Variants in ABCC4 observed in about 807,000 individuals in gnomAD.
The protein encoded by ABCC4 is ATP-binding cassette sub-family C member 4.
ABCC4 carries 102 observed loss-of-function variants against 168.5 expected under a neutral mutation model. The ratio of observed to expected loss-of-function variants is 0.61; its 90% CI spans 0.52 to 0.71. The LOEUF (loss-of-function observed/expected upper bound fraction) is 0.71, where lower values mean the gene tolerates loss of function less well. Among genes scored for constraint, ABCC4 ranks in the 30% least tolerant of loss-of-function variants. The pLI is 0.00. For missense variants in ABCC4, 1,402 were observed against 1,605.8 expected (o/e 0.87, Z 2.17); for synonymous variants, 617 against 590.7 (o/e 1.04, Z -0.65).
chr13:95,029,203 TATATATATATAGAGAGAGAG>T (rs2031718341), intron 30 of ABCC4, among the ~76,000 whole-genome samples: 2 of 57,746 alleles, frequency 3.5e-5, no homozygotes, highest in African/African-American at 1.3e-4. Flanking sequence ...TATATATATA[TATATATATATAGAGAGAGAG>T]AGAGAGAGAG....
At chr13:95,106,168 G>T (rs1317149301) in intron 20 of ABCC4, among the ~76,000 whole-genome samples, 2 of 151,954 alleles carry the variant, frequency 1.3e-5, no homozygotes, top group African/African-American at 4.8e-5. Context: ...AGTTTACAAG[G>T]CTGGCTAAAA....
chr13:95,181,448 A>G (rs1318648944), intron 11 of ABCC4, among the ~76,000 whole-genome samples: 2 of 152,202 alleles, frequency 1.3e-5, no homozygotes, highest in Admixed American at 1.3e-4. Flanking sequence ...AAACTCTTCT[A>G]TGAAACTAAC....
intron 25 of ABCC4, among the ~76,000 whole-genome samples, chr13:95,064,002 C>T (rs897962838): frequency 6.6e-6 from 1 of 152,070 alleles, no homozygotes; most frequent in Non-Finnish European, 1.5e-5. Flanking sequence ...TTACTGGGCA[C>T]TGGGTATGTG....
intron 11 of ABCC4, among the ~76,000 whole-genome samples, chr13:95,182,172 T>A (rs2037919874): frequency 6.6e-6 from 1 of 152,122 alleles, no homozygotes; most frequent in Admixed American, 6.5e-5. Flanking sequence ...CAAAAAGGCA[T>A]AACAACAGTT....
chr13:95,229,478 G>A (rs771681974), intron 4 of ABCC4, among the ~76,000 whole-genome samples: 8 of 152,252 alleles, frequency 5.3e-5, no homozygotes, highest in Non-Finnish European at 8.8e-5. Context: ...GCAGGCTCAG[G>A]TACTGCTGTA....
chr13:95,293,594 G>A (rs147668069), intron 1 of ABCC4, among the ~76,000 whole-genome samples: 5,406 of 150,356 alleles, frequency 0.036, 145 homozygotes, highest in Middle Eastern at 0.073. Context: ...AGCCTCTCGA[G>A]TAGCTGGGAC....
chr13:95,086,087 T>TTGTGTGTGTGTGTGTGTG (rs55973195), intron 20 of ABCC4, among the ~76,000 whole-genome samples: 2,007 of 142,020 alleles, frequency 0.014, 41 homozygotes, highest in African/African-American at 0.043. Context: ...TTTAAGGTTA[T>TTGTGTGTGTGTGTGTGTG]TGTGTGTGTG....
chr13:95,037,151 G>A (rs899233334), intron 29 of ABCC4, among the ~76,000 whole-genome samples: 1 of 150,738 alleles, frequency 6.6e-6, no homozygotes, highest in South Asian at 2.1e-4. Flanking sequence ...ATAATGAACT[G>A]GATTATTATA....
intron 29 of ABCC4, among the ~76,000 whole-genome samples, chr13:95,041,363 T>C (rs755171115): frequency 6.6e-6 from 1 of 152,224 alleles, no homozygotes; most frequent in African/African-American, 2.4e-5. Context: ...CGCAGTTGTT[T>C]CCCAACAAGC....
intron 11 of ABCC4, among the ~76,000 whole-genome samples, chr13:95,181,807 C>T (rs952532096): frequency 6.6e-6 from 1 of 152,218 alleles, no homozygotes; most frequent in Admixed American, 6.5e-5. Flanking sequence ...GCCTGTTGCC[C>T]TTTCATATCA....
chr13:95,103,461 G>A (rs2034885557), intron 20 of ABCC4, among the ~76,000 whole-genome samples: 1 of 152,150 alleles, frequency 6.6e-6, no homozygotes, highest in Non-Finnish European at 1.5e-5. Context: ...TAATTTGACA[G>A]GATTGGCAAG....
At chr13:95,057,783 A>C (rs1409122717) in intron 26 of ABCC4, among the ~76,000 whole-genome samples, 5 of 152,226 alleles carry the variant, frequency 3.3e-5, no homozygotes, top group African/African-American at 1.2e-4. Context: ...AGACTTGCCC[A>C]AACATGGCCA....
chr13:95,021,436 T>G lies in ABCC4; in HGVS notation c.*139A>C. The G allele has an allele frequency of 1.8e-6, 1 of 564,454 alleles. No homozygotes were observed. Among genetic ancestry groups the G allele is most frequent in the East Asian group, 3.0e-5 (1 of 33,648 alleles). 35.0% of individuals were successfully genotyped at this position (564,454 alleles called of 1,614,324 possible). A position where few individuals can be genotyped will look rare whatever the true frequency, so the allele number is the denominator to read the frequency against. ...TAGAGCTGGAGATCCTTGGATAAGT[T>G]GGGAGAAATATTCAAATGAACTAGC... On this transcript the variant is annotated 3_prime_UTR_variant, in exon 31 of 31. Transcript: ENST00000645237.
Position 95,034,756 on chromosome 13 carries a change from A to C in ABCC4, c.3736-17T>G, listed in dbSNP as rs1397315202. ...ATCTAAAACCTGTTAATCAGCAGAAAGAAACCCATTGAAACACAATGTTTT... is the reference window on the plus strand; with the variant it reads ...ATCTAAAACCTGTTAATCAGCAGAACGAAACCCATTGAAACACAATGTTTT... On this transcript the variant is annotated splice_polypyrimidine_tract_variant and intron_variant, in intron 29 of 30. Coordinates refer to ENST00000645237, the MANE Select transcript of ABCC4 (RefSeq NM_005845.5). The C allele has an allele frequency of 6.2e-7, 1 of 1,613,932 alleles. No individual in the cohort carries two copies. The highest frequency in any genetic ancestry group is 1.7e-5 in the Admixed American group (1 of 59,896).
intron 19 of ABCC4, among the ~76,000 whole-genome samples, chr13:95,144,172 T>A (rs556901955): frequency 4.6e-5 from 7 of 152,302 alleles, no homozygotes; most frequent in Admixed American, 4.6e-4. Context: ...ATATGATTAA[T>A]AAGATATCCA....
chr13:95,147,986 T>C (rs2036554169), intron 19 of ABCC4, among the ~76,000 whole-genome samples: 1 of 152,154 alleles, frequency 6.6e-6, no homozygotes, highest in Non-Finnish European at 1.5e-5. Flanking sequence ...AAAAATACTC[T>C]ATTGATTTTC....
chr13:95,106,737 G>C (rs1035067990), intron 20 of ABCC4, among the ~76,000 whole-genome samples: 8 of 148,016 alleles, frequency 5.4e-5, no homozygotes, highest in Non-Finnish European at 8.9e-5. Context: ...CAGGAAATGA[G>C]GCAGTGACAC....
rs2030999502 is a variant in ABCC4, at chr13:95,019,942, A to G, written c.*1633T>C. Reference sequence around the variant, plus strand: ...GTTTATATGACTGTCTTTAACCTCAAAAGTCCAAATAAACATATAGACATT... The same window carrying G: ...GTTTATATGACTGTCTTTAACCTCAGAAGTCCAAATAAACATATAGACATT... On this transcript the variant is annotated 3_prime_UTR_variant, in exon 31 of 31. Coordinates refer to ENST00000645237, the MANE Select transcript of ABCC4 (RefSeq NM_005845.5). 1.3e-5 allele frequency: 2 copies of G among 152,226 alleles called. No homozygotes were observed. Among genetic ancestry groups the G allele is most frequent in the African/African-American group, 4.8e-5 (2 of 41,464 alleles). 9.4% of individuals were successfully genotyped at this position (152,226 alleles called of 1,614,324 possible).
intron 8 of ABCC4, among the ~76,000 whole-genome samples, chr13:95,206,107 A>C (rs1311005394): frequency 1.3e-5 from 2 of 152,238 alleles, no homozygotes; most frequent in African/African-American, 4.8e-5. Flanking sequence ...AGTTGAGGCC[A>C]TTCTTCCTGA....
Sources: allele counts gnomAD v4.1 joint callset (sites outside exome capture counted in the v4.1 genomes callset), GRCh38; gene constraint gnomAD v4.1.1; transcripts MANE v1.5; gene names NCBI Gene and HGNC (gene_info 2026-07-23, HGNC 2026-07-21).